Variants in RXFP2 observed in about 807,000 individuals in gnomAD.
RXFP2 encodes the protein relaxin receptor 2.
Under a neutral mutation model 88.6 loss-of-function variants are expected in RXFP2, and 68 were observed. The observed-to-expected ratio is 0.77, with a 90% CI of 0.63 to 0.94. RXFP2 has a LOEUF of 0.94. RXFP2 is among the 40% of genes least tolerant of loss of function. RXFP2 has a pLI of 0.00. For synonymous variants in RXFP2, 329 were observed against 306.8 expected, an observed-to-expected ratio of 1.07 and a Z score of -0.76; for missense variants, 791 against 893.9, an observed-to-expected ratio of 0.88 and a Z score of 1.47.
chr13:31,784,283 T>C (rs1308147871), intron 11 of RXFP2, among the ~76,000 whole-genome samples: 1 of 152,112 alleles, frequency 6.6e-6, no homozygotes, highest in African/African-American at 2.4e-5. Context: ...AGATCTATAG[T>C]GATCCATTGC....
intron 5 of RXFP2, among the ~76,000 whole-genome samples, chr13:31,772,337 A>G (rs1317542682): frequency 6.6e-6 from 1 of 152,230 alleles, no homozygotes; most frequent in African/African-American, 2.4e-5. Flanking sequence ...ACATTCAAAA[A>G]TTGCCTATAA....
rs148129827 is a variant in RXFP2, at chr13:31,778,277, A to G, written c.714-235A>G. On this transcript the variant is annotated intron_variant, in intron 8 of 17. Coordinates refer to ENST00000298386, the MANE Select transcript of RXFP2 (RefSeq NM_130806.5). ...TTCATCTCATAAAATTAAACTGTGT[A>G]ACATCTATTCCTAGGATATGTATCA... 1.3e-3 allele frequency among the ~76,000 whole-genome samples: 203 copies of G among 152,308 alleles called. 3 individuals carry two copies. Among genetic ancestry groups the G allele is most frequent in the Admixed American group, 6.5e-5 (1 of 15,294 alleles).
intron 14 of RXFP2, among the ~76,000 whole-genome samples, chr13:31,791,570 C>A (rs1873792860): frequency 6.6e-6 from 1 of 152,166 alleles, no homozygotes; most frequent in Admixed American, 6.5e-5. Context: ...TCATGTCCTC[C>A]CAAACTCTCC....
chr13:31,785,295 G>A (rs1233907518), intron 11 of RXFP2, among the ~76,000 whole-genome samples: 4 of 152,070 alleles, frequency 2.6e-5, no homozygotes, highest in East Asian at 1.9e-4. Context: ...TCTCCATGAC[G>A]TCCTCTACCT....
intron 16 of RXFP2, among the ~76,000 whole-genome samples, chr13:31,795,971 A>G (rs1189725246): frequency 2.0e-5 from 3 of 149,800 alleles, no homozygotes; most frequent in African/African-American, 4.9e-5. Flanking sequence ...GAACCACAGT[A>G]GTTTAATTTA....
At position 31,781,703 on chromosome 13, in the gene RXFP2, C is replaced by A; in HGVS notation, c.818C>A (p.Thr273Lys). ...DLEGNRIKYL[T>K]NSTFLSCDSL... Reference sequence around the variant, plus strand: ...GAAGGCAATAGAATAAAGTATCTCACAAATTCTACGTTTCTGTCGTGCGAT... The same window carrying A: ...GAAGGCAATAGAATAAAGTATCTCAAAAATTCTACGTTTCTGTCGTGCGAT... Residue 273 changes from threonine to lysine, a missense_variant, in exon 10 of 18, where the codon ACA becomes AAA. By Grantham distance (78) the Thr-to-Lys change is moderately conservative. Coordinates refer to ENST00000298386, the MANE Select transcript of RXFP2 (RefSeq NM_130806.5). 1 of 1,612,480 alleles carries A rather than the reference C, an allele frequency of 6.2e-7. No homozygotes were observed. Among genetic ancestry groups the A allele is most frequent in the Non-Finnish European group, 8.5e-7 (1 of 1,178,930 alleles).
chr13:31,800,678 C>T (rs188916668), intron 17 of RXFP2, among the ~76,000 whole-genome samples: 4 of 152,308 alleles, frequency 2.6e-5, no homozygotes, highest in Admixed American at 6.5e-5. Context: ...GTGGAACTTA[C>T]GTGGCCTATT....
intron 3 of RXFP2, 49 bp from the exon 4 acceptor site, chr13:31,764,988 A>G (rs1566221628): frequency 1.0e-6 from 1 of 989,050 alleles, no homozygotes; most frequent in East Asian, 2.4e-5. Flanking sequence ...CAAAGTCATA[A>G]TTAATGTATT....
At chr13:31,758,502 G>A in intron 2 of RXFP2, 98 bp downstream of exon 2, 1 of 1,388,708 alleles carries the variant, frequency 7.2e-7, no homozygotes, top group Non-Finnish European at 1.0e-6. Flanking sequence ...TAGGAAAGCT[G>A]ATTTGGTGTT....
chr13:31,783,398 T>C (rs9549084), intron 11 of RXFP2, among the ~76,000 whole-genome samples: 2 of 152,160 alleles, frequency 1.3e-5, no homozygotes, highest in Non-Finnish European at 1.5e-5. Context: ...CACATAGCAG[T>C]GATTAGGATA....
Position 31,765,095 on chromosome 13 carries a change from T to C in RXFP2, c.378T>C (p.Asn126=). The stretch of plus-strand genomic sequence containing the variant: ...AAGAAACTGAATTGGAATGTGTAAA[T>C]GGTGACTTAAAGTCTGTGCCGATGA... ...DCKETELECV[N]GDLKSVPMIS... The change falls in exon 4 of 18, where the codon AAT becomes AAC. Residue 126 remains asparagine (N), a synonymous_variant. Coordinates refer to ENST00000298386, the MANE Select transcript of RXFP2 (RefSeq NM_130806.5). 6.2e-7 allele frequency: 1 copy of C among 1,612,360 alleles called. No homozygotes were observed. The highest frequency in any genetic ancestry group is 8.5e-7 in the Non-Finnish European group (1 of 1,178,570).
intron 16 of RXFP2, among the ~76,000 whole-genome samples, chr13:31,794,123 C>G (rs1026098813): frequency 6.6e-6 from 1 of 152,108 alleles, no homozygotes; most frequent in African/African-American, 2.4e-5. Context: ...TGACATGACC[C>G]TAACCATCAT....
At chr13:31,770,009 C>T (rs1872679429) in intron 5 of RXFP2, among the ~76,000 whole-genome samples, 2 of 152,314 alleles carry the variant, frequency 1.3e-5, no homozygotes, top group African/African-American at 4.8e-5. Flanking sequence ...CATCATCCTT[C>T]AGATAAGAAT....
intron 1 of RXFP2, among the ~76,000 whole-genome samples, chr13:31,748,875 T>C (rs1871540482): frequency 6.6e-6 from 1 of 152,156 alleles, no homozygotes; most frequent in South Asian, 2.1e-4. Context: ...TGTGCACCTG[T>C]AGTCCCAGCT....
At chr13:31,796,038 C>CTTTTTTTTTTTTTTTTTTTTTT (rs776535132) in intron 16 of RXFP2, among the ~76,000 whole-genome samples, 1 of 36,966 alleles carries the variant, frequency 2.7e-5, no homozygotes, top group Non-Finnish European at 4.8e-5. Context: ...ATGTGTTATT[C>CTTTTTTTTTTTTTTTTTTTTTT]TTTTTTTTTT....
chr13:31,757,105 T>C (rs1871991569), intron 1 of RXFP2, among the ~76,000 whole-genome samples: 1 of 152,254 alleles, frequency 6.6e-6, no homozygotes, highest in South Asian at 2.1e-4. Flanking sequence ...ATATTTATTT[T>C]CTTTAATTTC....
At chr13:31,742,120 G>A (rs1450620379) in intron 1 of RXFP2, among the ~76,000 whole-genome samples, 2 of 152,090 alleles carry the variant, frequency 1.3e-5, no homozygotes, top group East Asian at 3.8e-4. Context: ...GGACAAATTA[G>A]GAACCATATT....
intron 1 of RXFP2, among the ~76,000 whole-genome samples, chr13:31,750,291 A>G (rs1226571216): frequency 6.6e-6 from 1 of 152,086 alleles, no homozygotes; most frequent in African/African-American, 2.4e-5. Flanking sequence ...ATCTTTTCAA[A>G]GGAATACATT....
chr13:31,746,948 T>C (rs1871447298), intron 1 of RXFP2, among the ~76,000 whole-genome samples: 1 of 152,194 alleles, frequency 6.6e-6, no homozygotes, highest in Non-Finnish European at 1.5e-5. Flanking sequence ...GTAAACTTTC[T>C]TATACATAGG....
Sources: allele counts gnomAD v4.1 joint callset (sites outside exome capture counted in the v4.1 genomes callset), GRCh38; gene constraint gnomAD v4.1.1; transcripts MANE v1.5; gene names NCBI Gene and HGNC (gene_info 2026-07-23, HGNC 2026-07-21).